TSPAN10: variants seen among roughly 807,000 people sequenced by gnomAD.
TSPAN10 encodes tetraspanin-10.
In TSPAN10, 11 loss-of-function variants were observed where a neutral mutation model predicts 15.0. The observed-to-expected ratio is 0.73, with a 90% CI of 0.46 to 1.21. The LOEUF (loss-of-function observed/expected upper bound fraction) is 1.21, where lower values mean the gene tolerates loss of function less well. Among genes scored for constraint, TSPAN10 ranks in the 50% most tolerant of loss-of-function variants. The pLI is 0.00. For missense variants in TSPAN10, 486 were observed against 470.6 expected (o/e 1.03, Z -0.30); for synonymous variants, 241 against 226.2 (o/e 1.07, Z -0.59).
exon 1 of TSPAN10, chr17:81,637,254 T>C (rs2036112316): frequency 1.9e-6 from 1 of 526,884 alleles, no homozygotes; most frequent in Non-Finnish European, 3.4e-6. Flanking sequence ...CTGAGATTAC[T>C]TCTGCTCGTC....
intron 1 of TSPAN10, among the ~76,000 whole-genome samples, chr17:81,644,691 A>G (rs952967888): frequency 1.3e-5 from 2 of 152,156 alleles, no homozygotes; most frequent in African/African-American, 4.8e-5. Flanking sequence ...GTGTTCACTG[A>G]GCACCGCCCT....
At chr17:81,640,203 C>T (rs1386770188), upstream of TSPAN10, among the ~76,000 whole-genome samples, 3 of 152,090 alleles carry the variant, frequency 2.0e-5, no homozygotes, top group South Asian at 2.1e-4. Context: ...AGGCTGGTCT[C>T]TAACTACTAC....
chr17:81,639,672 C>T (rs2036160283), upstream of TSPAN10, among the ~76,000 whole-genome samples: 2 of 150,094 alleles, frequency 1.3e-5, no homozygotes, highest in South Asian at 2.1e-4. Context: ...CGCCTGTCAT[C>T]CCAGCACGGT....
At chr17:81,642,551 G>C in intron 1 of TSPAN10, 103 bp downstream of exon 2, 1 of 1,198,466 alleles carries the variant, frequency 8.3e-7, no homozygotes, top group Non-Finnish European at 1.2e-6. Flanking sequence ...CCTGCCCCTG[G>C]TGCCACCCCA....
exon 1 of TSPAN10, chr17:81,637,371 G>C (rs1304614408): frequency 1.4e-6 from 1 of 699,818 alleles, no homozygotes; most frequent in South Asian, 1.5e-5. Flanking sequence ...TATTATAATT[G>C]GGGAAACAGC....
chr17:81,640,794 C>T (rs992140946), upstream of TSPAN10, among the ~76,000 whole-genome samples: 4 of 152,098 alleles, frequency 2.6e-5, no homozygotes, highest in Non-Finnish European at 5.9e-5. Context: ...TTCTGAGGTC[C>T]GGGGGGCTAG....
rs1163204258 is a variant in TSPAN10, at chr17:81,643,470, G to C, written c.36+1022G>C. On this transcript the variant is annotated intron_variant, in intron 1 of 2. Transcript: ENST00000611590. ...ACTAAAAATACAAAAAATTAGCCGG[G>C]CGTAGTGGCGGGCGCCTGTAGTCCC... Among the ~76,000 whole-genome samples the C allele has an allele frequency of 2.4e-5, 2 of 84,930 alleles. 1 individual carries two copies. Among genetic ancestry groups the C allele is most frequent in the Non-Finnish European group, 4.1e-5 (2 of 48,642 alleles). 55.7% of individuals were successfully genotyped at this position (84,930 alleles called of 152,430 possible). A position where few individuals can be genotyped will look rare whatever the true frequency, so the allele number is the denominator to read the frequency against.
upstream of TSPAN10, chr17:81,642,278 T>TCCCATG (rs1003976894): frequency 1.0e-6 from 1 of 956,002 alleles, no homozygotes; most frequent in African/African-American, 1.6e-5. Flanking sequence ...CCTCCCCCAT[T>TCCCATG]CCCATGCCCA....
At chr17:81,641,105 C>G (rs1211960063), upstream of TSPAN10, among the ~76,000 whole-genome samples, 1 of 151,530 alleles carries the variant, frequency 6.6e-6, no homozygotes, top group Non-Finnish European at 1.5e-5. Context: ...GCAGAGGTTG[C>G]GGTGAGTCAA....
exon 1 of TSPAN10, chr17:81,637,293 C>T (rs2036113701): frequency 1.6e-6 from 1 of 642,458 alleles, no homozygotes; most frequent in South Asian, 1.7e-5. Context: ...ACAGGAAAGT[C>T]CAAAAAGGAA....
At chr17:81,638,432 G>A (rs891907101), upstream of TSPAN10, 1 of 152,164 alleles carries the variant, frequency 6.6e-6, no homozygotes, top group African/African-American at 2.4e-5. Context: ...CCGGGTAGCT[G>A]GGACTACAGG....
At position 81,645,339 on chromosome 17, in the gene TSPAN10, G is replaced by A. The variant is rs537061929; in HGVS notation, c.384G>A (p.Gly128=). 19 of 1,572,054 alleles carry A rather than the reference G, an allele frequency of 1.2e-5. No homozygotes were observed. The African/African-American group carries it at 1.8e-4, about 15-fold the overall frequency. ...CCATGCTGGGGCTGGCACTGGGAGGGCTGGTGGTCAGCGCAGTGAGCCTGG... is the reference window on the plus strand; with the variant it reads ...CCATGCTGGGGCTGGCACTGGGAGGACTGGTGGTCAGCGCAGTGAGCCTGG... The change falls in exon 2 of 3, where the codon GGG becomes GGA. Residue 128 remains glycine, a synonymous_variant. Transcript: ENST00000611590.
chr17:81,639,200 C>CTTTTTTTTTTTTTTTT (rs757994889), upstream of TSPAN10: 1 of 115,252 alleles, frequency 8.7e-6, no homozygotes. Flanking sequence ...TTTGGAATTA[C>CTTTTTTTTTTTTTTTT]TTTTCTTTTT....
intron 1 of TSPAN10, 83 bp downstream of exon 2, chr17:81,642,531 C>G: frequency 7.1e-7 from 1 of 1,407,358 alleles, no homozygotes; most frequent in Non-Finnish European, 9.8e-7. Flanking sequence ...GGGCTGGGTT[C>G]ACACCCACCC....
chr17:81,645,135 C>T (rs6565616), exon 2 of TSPAN10: 615,047 of 1,573,102 alleles, frequency 0.39, 129,768 homozygotes, highest in East Asian at 0.76. Flanking sequence ...TGAGTGGCAC[C>T]CCCAAGAAAG....
rs372786016 is a variant in TSPAN10, at chr17:81,645,002, G to A, written c.47G>A (p.Gly16Asp). 6.8e-6 allele frequency: 11 copies of A among 1,610,678 alleles called. No homozygotes were observed. The African/African-American group carries it at 1.2e-4, about 18-fold the overall frequency. ...CTCTTCCCTCTGCAGGAAACTGCAG[G>A]CCAGAAGCCCCTCTCTGTGCACAGG... The change falls in exon 2 of 3, where the codon GGC (glycine) becomes GAC (aspartate). Residue 16 changes from glycine (G) to aspartate (D), a missense_variant. Coordinates refer to ENST00000611590, the Ensembl canonical transcript of TSPAN10.
chr17:81,645,345 G>A (rs1489369603), exon 2 of TSPAN10: 22 of 1,578,356 alleles, frequency 1.4e-5, no homozygotes, highest in Non-Finnish European at 1.8e-5. Context: ...GAGGGCTGGT[G>A]GTCAGCGCAG....
Position 81,645,163 on chromosome 17 carries a change from TC to T in TSPAN10, c.212del (p.Pro71GlnfsTer9). The T allele has an allele frequency of 1.3e-6, 2 of 1,557,354 alleles. No homozygotes were observed. Among genetic ancestry groups the T allele is most frequent in the Non-Finnish European group, 1.7e-6 (2 of 1,158,428 alleles). On this transcript the variant is annotated frameshift_variant, in exon 2 of 3. Transcript: ENST00000611590. LOFTEE classifies it high-confidence loss of function. ...CAAGAAAGGACCAGCCCCTTCCCTC[TC>T]CCCAGGGAGCAGCTGCGTCAAGTAT...
upstream of TSPAN10, chr17:81,637,885 G>C (rs1005025733): frequency 6.6e-6 from 1 of 150,950 alleles, no homozygotes; most frequent in South Asian, 2.1e-4. Context: ...AATGAACTGA[G>C]TTGGTGCCAC....
Sources: allele counts gnomAD v4.1 joint callset (sites outside exome capture counted in the v4.1 genomes callset), GRCh38; gene constraint gnomAD v4.1.1; transcripts MANE v1.5; gene names NCBI Gene and HGNC (gene_info 2026-07-23, HGNC 2026-07-21).